The following EIF2A variants were observed in gnomAD, a reference collection of about 807,000 sequenced individuals.
The protein encoded by EIF2A is 65 kDa eukaryotic translation initiation factor 2A.
Under a neutral mutation model 75.2 loss-of-function variants are expected in EIF2A, and 62 were observed. The observed-to-expected ratio is 0.82, with a 90% CI of 0.67 to 1.02. The LOEUF (loss-of-function observed/expected upper bound fraction) is 1.02, where lower values mean the gene tolerates loss of function less well. Among genes scored for constraint, EIF2A ranks in the 50% least tolerant of loss-of-function variants. The pLI, the probability that EIF2A is intolerant of heterozygous loss-of-function variation, is 0.00. For missense variants in EIF2A, 611 were observed against 677.7 expected, an observed-to-expected ratio of 0.90 and a Z score of 1.09; for synonymous variants, 207 against 239.0, an observed-to-expected ratio of 0.87 and a Z score of 1.23.
chr3:150,564,450 G>C, intron 6 of EIF2A, 69 bp downstream of exon 6: 1 of 1,255,424 alleles, frequency 8.0e-7, no homozygotes, highest in East Asian at 2.6e-5. Flanking sequence ...TAACTTTTAT[G>C]ACATCATAGG....
intron 9 of EIF2A, among the ~76,000 whole-genome samples, chr3:150,571,445 T>C (rs902646802): frequency 3.2e-4 from 49 of 152,070 alleles, no homozygotes; most frequent in African/African-American, 9.7e-4. Context: ...TGGTCTTATG[T>C]GGCATTTTTA....
At chr3:150,575,431 G>A (rs1388999640) in intron 10 of EIF2A, among the ~76,000 whole-genome samples, 6 of 152,154 alleles carry the variant, frequency 3.9e-5, no homozygotes, top group Non-Finnish European at 5.9e-5. Flanking sequence ...TGCCAGCTCT[G>A]ATATGATTGA....
At chr3:150,559,965 A>G (rs1723766163) in intron 3 of EIF2A, among the ~76,000 whole-genome samples, 1 of 152,072 alleles carries the variant, frequency 6.6e-6, no homozygotes, top group African/African-American at 2.4e-5. Context: ...TCCATATTTT[A>G]GTTTGTAGTA....
intron 2 of EIF2A, among the ~76,000 whole-genome samples, chr3:150,556,892 C>T (rs370190089): frequency 4.1e-4 from 63 of 152,252 alleles, no homozygotes; most frequent in African/African-American, 1.5e-3. Flanking sequence ...AAGCTTATCT[C>T]GTTTCCTTTC....
chr3:150,575,794 A>T, intron 11 of EIF2A, 32 bp downstream of exon 11: 5 of 1,566,560 alleles, frequency 3.2e-6, no homozygotes, highest in Non-Finnish European at 4.3e-6. Context: ...TAACAAAACA[A>T]ATAGTCAGTT....
At chr3:150,549,625 T>C (rs1243859608) in intron 1 of EIF2A, among the ~76,000 whole-genome samples, 1 of 152,240 alleles carries the variant, frequency 6.6e-6, no homozygotes, top group Non-Finnish European at 1.5e-5. Flanking sequence ...GAACACATTT[T>C]TGCCAGTAGT....
intron 11 of EIF2A, among the ~76,000 whole-genome samples, chr3:150,576,042 T>C (rs898961573): frequency 1.3e-5 from 2 of 152,154 alleles, no homozygotes; most frequent in African/African-American, 4.8e-5. Flanking sequence ...ATCGCATCAC[T>C]GCACTCTAGC....
chr3:150,581,991 A>T (rs1175961724), intron 12 of EIF2A, among the ~76,000 whole-genome samples: 2 of 152,124 alleles, frequency 1.3e-5, no homozygotes, highest in Non-Finnish European at 2.9e-5. Context: ...GCATCAGCAT[A>T]GAAATATACT....
At chr3:150,547,951 T>C (rs1055532940) in intron 1 of EIF2A, among the ~76,000 whole-genome samples, 1 of 152,240 alleles carries the variant, frequency 6.6e-6, no homozygotes, top group Admixed American at 6.5e-5. Flanking sequence ...TAATACTAAA[T>C]GCTTATTTGA....
intron 3 of EIF2A, among the ~76,000 whole-genome samples, chr3:150,560,618 A>G (rs1489394402): frequency 1.3e-5 from 2 of 151,946 alleles, no homozygotes; most frequent in South Asian, 2.1e-4. Flanking sequence ...GTAATTTTTC[A>G]TTCTTTTCAG....
In EIF2A at chr3:150,584,012, T is replaced by C. The variant is rs1178086997; in HGVS notation, c.*101T>C. 3.7e-6 allele frequency: 4 copies of C among 1,070,122 alleles called. No individual in the cohort carries two copies. The highest frequency in any genetic ancestry group is 1.6e-5 in the African/African-American group (1 of 62,484). 66.3% of individuals were successfully genotyped at this position (1,070,122 alleles called of 1,614,324 possible). ...AATATTCCTGTGCCCACACTTAATG[T>C]CAATCTATAATTTTAACCATTTATC... is the stretch of plus-strand genomic sequence containing the variant. On this transcript the variant is annotated 3_prime_UTR_variant, in exon 14 of 14. Coordinates refer to ENST00000460851, the MANE Select transcript of EIF2A (RefSeq NM_032025.5).
intron 3 of EIF2A, among the ~76,000 whole-genome samples, 158 bp from the exon 4 acceptor site, chr3:150,562,384 T>C (rs2107923270): frequency 6.6e-6 from 1 of 150,794 alleles, no homozygotes; most frequent in South Asian, 2.1e-4. Flanking sequence ...ATTGCGCCAC[T>C]GCACTCCAAC....
chr3:150,560,160 C>A lies in EIF2A; in HGVS notation c.173+1698C>A, dbSNP rs117862425. ...TTCACTCATATCCACACTTAACCTT[C>A]TATGGGATTCAACTCTGAATCTTTT... On this transcript the variant is annotated intron_variant, in intron 3 of 13. Transcript: ENST00000460851. Among the ~76,000 whole-genome samples the A allele has an allele frequency of 4.9e-4, 74 of 152,274 alleles. No homozygotes were observed. In the East Asian group the frequency reaches 0.013, roughly 26 times the overall value.
chr3:150,581,586 T>TAA, intron 11 of EIF2A, 32 bp from the exon 12 acceptor site: 2 of 1,546,610 alleles, frequency 1.3e-6, no homozygotes, highest in Non-Finnish European at 1.7e-6. Context: ...TTTTGGCTTT[T>TAA]AAAATTGAAT....
intron 2 of EIF2A, among the ~76,000 whole-genome samples, chr3:150,554,190 T>A (rs899760511): frequency 6.6e-6 from 1 of 152,186 alleles, no homozygotes; most frequent in African/African-American, 2.4e-5. Context: ...AGATAAAGCA[T>A]GTCAAGTATA....
intron 2 of EIF2A, 61 bp downstream of exon 2, chr3:150,552,486 T>A (rs1723365383): frequency 4.4e-6 from 6 of 1,375,806 alleles, no homozygotes; most frequent in Non-Finnish European, 5.0e-6. Context: ...AAAATGGTTT[T>A]GTTGGTGGTG....
chr3:150,583,815 A>C, intron 13 of EIF2A, 31 bp from the exon 14 acceptor site: 1 of 1,605,900 alleles, frequency 6.2e-7, no homozygotes, highest in Non-Finnish European at 8.5e-7. Context: ...TAATTATTTC[A>C]TAATAACTTC....
intron 1 of EIF2A, 199 bp downstream of exon 1, chr3:150,547,029 C>T: frequency 1.6e-6 from 1 of 626,212 alleles, no homozygotes; most frequent in East Asian, 2.8e-5. Context: ...TCGTATTCCC[C>T]CTCCCTTTCA....
chr3:150,571,865 A>T (rs1423005555), intron 9 of EIF2A, 93 bp from the exon 10 acceptor site: 45 of 1,118,456 alleles, frequency 4.0e-5, no homozygotes, highest in Non-Finnish European at 6.3e-6. Context: ...TATCTGTTTG[A>T]TGTGTTTGTG....
Sources: allele counts gnomAD v4.1 joint callset (sites outside exome capture counted in the v4.1 genomes callset), GRCh38; gene constraint gnomAD v4.1.1; transcripts MANE v1.5; gene names NCBI Gene and HGNC (gene_info 2026-07-23, HGNC 2026-07-21).